The following MACROD1 variants were observed in gnomAD, a reference collection of about 807,000 sequenced individuals.
MACROD1 encodes the protein ADP-ribose glycohydrolase MACROD1.
Under a neutral mutation model 41.4 loss-of-function variants are expected in MACROD1, and 31 were observed. The observed-to-expected ratio is 0.75, with a 90% CI of 0.56 to 1.01. MACROD1 has a LOEUF of 1.01. MACROD1 is among the 50% of genes least tolerant of loss of function. The pLI, the probability that MACROD1 is intolerant of heterozygous loss-of-function variation, is 0.00. For missense variants in MACROD1, 473 were observed against 460.0 expected (o/e 1.03, Z -0.26); for synonymous variants, 252 against 203.4 (o/e 1.24, Z -2.03).
chr11:64,136,356 T>C (rs1050229656), intron 3 of MACROD1, among the ~76,000 whole-genome samples: 2 of 152,216 alleles, frequency 1.3e-5, no homozygotes, highest in African/African-American at 2.4e-5. Context: ...AAGTCACTTA[T>C]GGTCTCTATA....
At chr11:64,052,712 G>A (rs973949674) in intron 3 of MACROD1, among the ~76,000 whole-genome samples, 6 of 152,236 alleles carry the variant, frequency 3.9e-5, no homozygotes, top group African/African-American at 1.4e-4. Flanking sequence ...GAGAAGCCAA[G>A]TAGCCTGCCA....
At chr11:64,086,968 G>C (rs577267422) in intron 3 of MACROD1, 1 of 152,226 alleles carries the variant, frequency 6.6e-6, no homozygotes, top group Non-Finnish European at 1.5e-5. Flanking sequence ...GCCTTTTGAC[G>C]CAGGGAGATG....
At chr11:64,037,025 T>A (rs1943395168) in intron 3 of MACROD1, among the ~76,000 whole-genome samples, 1 of 147,150 alleles carries the variant, frequency 6.8e-6, no homozygotes, top group South Asian at 2.2e-4. Flanking sequence ...CCCCGGGAGG[T>A]CTTCGAGGCC....
intron 1 of MACROD1, 143 bp from the exon 2 acceptor site, chr11:64,152,536 G>A: frequency 1.5e-6 from 1 of 680,326 alleles, no homozygotes; most frequent in South Asian, 1.7e-5. Context: ...GGGCAGGCAT[G>A]CTGGGGAAAC....
intron 8 of MACROD1, 124 bp from the exon 9 acceptor site, chr11:63,999,160 G>A (rs1337089889): frequency 1.0e-5 from 13 of 1,302,638 alleles, no homozygotes; most frequent in Non-Finnish European, 1.4e-5. Context: ...GCTCACGGCT[G>A]TGTGCCATCA....
In MACROD1 at chr11:63,998,842, C is replaced by T. The variant is rs200063234; in HGVS notation, c.*26G>A. ...ACGGGGCGAGGCCCTGCTTACCAGT[C>T]CCGGTCAGGGTGGGCTGCGGGAGCC... is the stretch of plus-strand genomic sequence containing the variant. On this transcript the variant is annotated 3_prime_UTR_variant, in exon 10 of 11. Transcript: ENST00000255681. 9.7e-5 allele frequency: 154 copies of T among 1,580,800 alleles called. 1 individual carries two copies. The African/African-American group carries it at 1.8e-3, about 19-fold the overall frequency.
intron 4 of MACROD1, among the ~76,000 whole-genome samples, chr11:64,002,792 G>C (rs1257992534): frequency 6.6e-6 from 1 of 152,174 alleles, no homozygotes; most frequent in Non-Finnish European, 1.5e-5. Flanking sequence ...AGGTCCTAGA[G>C]ACTCAAGCTT....
intron 3 of MACROD1, among the ~76,000 whole-genome samples, chr11:64,027,293 G>A (rs1447645442): frequency 6.6e-5 from 10 of 152,194 alleles, no homozygotes; most frequent in Admixed American, 6.5e-4. Flanking sequence ...GCTGGGAGCA[G>A]CAGGGTTGGT....
rs1161218440 is a variant in MACROD1, at chr11:64,082,384, A to T, written c.518-67103T>A. Among the ~76,000 whole-genome samples the T allele has an allele frequency of 1.3e-5, 2 of 151,566 alleles. No homozygotes were observed. Among genetic ancestry groups the T allele is most frequent in the African/African-American group, 4.9e-5 (2 of 41,204 alleles). On this transcript the variant is annotated intron_variant, in intron 3 of 10. Coordinates refer to ENST00000255681, the MANE Select transcript of MACROD1 (RefSeq NM_014067.4). This position sits in a 1 kb window ranked among gnomAD's most constrained non-coding sequence, Gnocchi z 4.5. ...GCCAGGAGCATGGCTGGAGTGATTG[A>T]TGGCTGGGAGGGAGCCTGAAGTGGG... is the stretch of plus-strand genomic sequence containing the variant.
intron 3 of MACROD1, among the ~76,000 whole-genome samples, chr11:64,132,294 T>G (rs1328835913): frequency 1.3e-5 from 2 of 152,098 alleles, no homozygotes; most frequent in Non-Finnish European, 2.9e-5. Context: ...GGGGCTTATC[T>G]GATGCCTTTC....
chr11:64,094,931 G>A (rs1341839859), intron 3 of MACROD1, among the ~76,000 whole-genome samples: 2 of 152,250 alleles, frequency 1.3e-5, no homozygotes, highest in African/African-American at 2.4e-5. Flanking sequence ...GGTAGCCACA[G>A]GTTTCCCAGC....
rs888330602 is a variant in MACROD1, at chr11:64,090,215, G to A, written c.517+61024C>T. Among the ~76,000 whole-genome samples, 6 of 152,196 alleles carry A rather than the reference G, an allele frequency of 3.9e-5. No homozygotes were observed. The highest frequency in any genetic ancestry group is 1.4e-4 in the African/African-American group (6 of 41,450). ...CAGCCTGAGTCCACAGGGTGACAGG[G>A]TGTGGGAAAGGCCAACGGGCGTGTG... On this transcript the variant is annotated intron_variant, in intron 3 of 10. Coordinates refer to ENST00000255681, the MANE Select transcript of MACROD1 (RefSeq NM_014067.4). The surrounding 1 kb of genome is among the most constrained non-coding windows in gnomAD (Gnocchi z 4.7).
At chr11:64,076,010 G>A (rs1213768728) in intron 3 of MACROD1, among the ~76,000 whole-genome samples, 13 of 152,202 alleles carry the variant, frequency 8.5e-5, no homozygotes. Flanking sequence ...ACCTCAGGCT[G>A]GGGTGAAGGA....
At chr11:64,154,457 T>C (rs187628312) in intron 1 of MACROD1, among the ~76,000 whole-genome samples, 3 of 152,088 alleles carry the variant, frequency 2.0e-5, no homozygotes, top group Admixed American at 2.0e-4. Flanking sequence ...CGCTCCCAAC[T>C]CCCAGCTGAT....
chr11:64,050,909 G>A (rs577226731), intron 3 of MACROD1, among the ~76,000 whole-genome samples: 44 of 152,320 alleles, frequency 2.9e-4, no homozygotes, highest in African/African-American at 9.4e-4. Flanking sequence ...CTGAGCCACC[G>A]CGCCCGGCCA....
At chr11:64,004,253 G>C (rs1942873100) in intron 4 of MACROD1, among the ~76,000 whole-genome samples, 1 of 152,314 alleles carries the variant, frequency 6.6e-6, no homozygotes, top group Middle Eastern at 3.4e-3. Context: ...ATGGCCCTGG[G>C]CATTCCTGGG....
chr11:64,020,301 A>T (rs1049073556), intron 3 of MACROD1, among the ~76,000 whole-genome samples: 1 of 152,142 alleles, frequency 6.6e-6, no homozygotes, highest in African/African-American at 2.4e-5. Context: ...TGTTTTACAG[A>T]TGAGGACGCT....
rs376275515 is a variant in MACROD1 at position 64,067,004 on chromosome 11, G to A, written c.518-51723C>T. On this transcript the variant is annotated intron_variant, in intron 3 of 10. Coordinates refer to ENST00000255681, the MANE Select transcript of MACROD1 (RefSeq NM_014067.4). This position sits in a 1 kb window ranked among gnomAD's most constrained non-coding sequence, Gnocchi z 4.6. ...TGGCATCCCAAGCCTCTGCCCTCAC[G>A]CTAGGCAGTCCCTGGGGAGATTGGA... 2.6e-5 allele frequency among the ~76,000 whole-genome samples: 4 copies of A among 152,206 alleles called. No homozygotes were observed. The highest frequency in any genetic ancestry group is 1.3e-4 in the Admixed American group (2 of 15,288).
chr11:64,032,431 A>G (rs1943306782), intron 3 of MACROD1, among the ~76,000 whole-genome samples: 1 of 152,058 alleles, frequency 6.6e-6, no homozygotes, highest in Non-Finnish European at 1.5e-5. Flanking sequence ...AGCAGGACCC[A>G]GATTTAGGGG....
Sources: allele counts gnomAD v4.1 joint callset (sites outside exome capture counted in the v4.1 genomes callset), GRCh38; gene constraint gnomAD v4.1.1; non-coding constraint Gnocchi (gnomAD v3.1); transcripts MANE v1.5; gene names NCBI Gene and HGNC (gene_info 2026-07-23, HGNC 2026-07-21).